Variants in NDST1 observed in about 807,000 individuals in gnomAD.
NDST1 encodes N-deacetylase and N-sulfotransferase 1, also known as bifunctional heparan sulfate N-deacetylase/N-sulfotransferase 1.
NDST1 carries 35 observed loss-of-function variants against 92.8 expected under a neutral mutation model. That is an observed-to-expected ratio of 0.38 (90% CI 0.29 to 0.50). The LOEUF (loss-of-function observed/expected upper bound fraction) is 0.50, where lower values mean the gene tolerates loss of function less well. Ranked by LOEUF, NDST1 falls within the 20% of genes least tolerant of loss-of-function variation. NDST1 has a pLI of 0.94. For missense variants in NDST1, 822 were observed against 1,182.7 expected, an observed-to-expected ratio of 0.69 and a Z score of 4.47; for synonymous variants, 493 against 500.3, an observed-to-expected ratio of 0.99 and a Z score of 0.19.
At chr5:150,500,379 GGCGACATTAACCAT>G (rs1168482405) in intron 1 of NDST1, among the ~76,000 whole-genome samples, 1 of 152,190 alleles carries the variant, frequency 6.6e-6, no homozygotes, top group Non-Finnish European at 1.5e-5. Flanking sequence ...TGTTGTGCTG[GGCGACATTAACCAT>G]GCCCCTTTCT....
chr5:150,498,424 A>T (rs1753088569), intron 1 of NDST1, among the ~76,000 whole-genome samples: 1 of 152,178 alleles, frequency 6.6e-6, no homozygotes. Flanking sequence ...TTGCTGAGTG[A>T]TCTTGTAAGT....
At chr5:150,525,389 G>A (rs1754426073) in intron 2 of NDST1, among the ~76,000 whole-genome samples, 1 of 152,202 alleles carries the variant, frequency 6.6e-6, no homozygotes, top group Non-Finnish European at 1.5e-5. Flanking sequence ...GTCCAGTGTG[G>A]CATCCCAGGC....
Position 150,512,553 on chromosome 5 carries a change from G to A in NDST1, c.-388+4327G>A, listed in dbSNP as rs10476750. 3.4e-3 allele frequency among the ~76,000 whole-genome samples: 524 copies of A among 152,320 alleles called. 2 individuals are homozygous for A. Among genetic ancestry groups the A allele is most frequent in the African/African-American group, 0.012 (500 of 41,570 alleles). Reference sequence around the variant, plus strand: ...TGTTCCGCACTCCCAGAAAGATCTCGAACCTCCTTCCTGGATCCCATTCTC... The same window carrying A: ...TGTTCCGCACTCCCAGAAAGATCTCAAACCTCCTTCCTGGATCCCATTCTC... On this transcript the variant is annotated intron_variant, in intron 1 of 14. Transcript: ENST00000261797.
chr5:150,548,474 G>A (rs1755586704), intron 12 of NDST1, 86 bp downstream of exon 12: 1 of 1,465,334 alleles, frequency 6.8e-7, no homozygotes, highest in East Asian at 2.4e-5. Flanking sequence ...TTTCTCACCA[G>A]CCGTGGGGAC....
Position 150,528,137 on chromosome 5 carries a change from A to C in NDST1, c.847A>C (p.Asn283His), listed in dbSNP as rs569758058. The change falls in exon 3 of 15, where the codon AAC (asparagine) becomes CAC (histidine). Residue 283 changes from asparagine (N) to histidine (H), a missense_variant. By Grantham distance (68) the Asn-to-His change is moderately conservative. Coordinates refer to ENST00000261797, the MANE Select transcript of NDST1 (RefSeq NM_001543.5). ...CGGCATCCAGCGCGTGCTGTTTGGCAACAACCTGAACTTCTGGCTGCACAA... is the reference window on the plus strand; with the variant it reads ...CGGCATCCAGCGCGTGCTGTTTGGCCACAACCTGAACTTCTGGCTGCACAA... ...HDGIQRVLFG[N>H]NLNFWLHKLV... 1 of 1,614,230 alleles carries C rather than the reference A, an allele frequency of 6.2e-7. No individual in the cohort carries two copies. Among genetic ancestry groups the C allele is most frequent in the South Asian group, 1.1e-5 (1 of 91,090 alleles).
intron 2 of NDST1, among the ~76,000 whole-genome samples, chr5:150,526,521 G>A (rs1196146047): frequency 2.0e-5 from 3 of 152,184 alleles, no homozygotes; most frequent in East Asian, 1.9e-4. Context: ...TGAATTGTGT[G>A]TGTTCCTGCT....
chr5:150,500,315 A>C (rs1447911361), intron 1 of NDST1, among the ~76,000 whole-genome samples: 1 of 152,184 alleles, frequency 6.6e-6, no homozygotes, highest in Non-Finnish European at 1.5e-5. Context: ...CCACTCTTTA[A>C]GGACTGTCTT....
At chr5:150,546,217 C>T (rs1244231353) in intron 11 of NDST1, among the ~76,000 whole-genome samples, 9 of 152,230 alleles carry the variant, frequency 5.9e-5, no homozygotes, top group African/African-American at 2.2e-4. Context: ...AGGCTGGTCT[C>T]AAACTCCTGA....
chr5:150,549,619 G>C (rs572582228), intron 12 of NDST1, 59 bp from the exon 13 acceptor site: 5 of 1,008,546 alleles, frequency 5.0e-6, no homozygotes, highest in Non-Finnish European at 7.8e-6. Context: ...TGCCGTGGCT[G>C]TTGCCCTTGT....
In NDST1 at chr5:150,538,412, A is replaced by C. The variant is rs369886125; in HGVS notation, c.1438-816A>C. ...GTAGGGGACAAAAGTGGCAGCAGGG[A>C]GACCAGTTAGGAGGCACTGCAGTCT... On this transcript the variant is annotated intron_variant, in intron 6 of 14. Transcript: ENST00000261797. Among the ~76,000 whole-genome samples the C allele has an allele frequency of 4.6e-5, 7 of 152,294 alleles. No homozygotes were observed. In the East Asian group the frequency reaches 9.6e-4, roughly 21 times the overall value.
chr5:150,555,431 A>G lies in NDST1; in HGVS notation c.*2099A>G. On this transcript the variant is annotated 3_prime_UTR_variant, in exon 15 of 15. Transcript: ENST00000261797. ...TTGGACACTCAGTGGGACCAGCTGCAGGTGGTTTCACTGTGTACACAGCAG... is the reference window on the plus strand; with the variant it reads ...TTGGACACTCAGTGGGACCAGCTGCGGGTGGTTTCACTGTGTACACAGCAG... 6.5e-6 allele frequency: 1 copy of G among 152,892 alleles called. No individual in the cohort carries two copies. Among genetic ancestry groups the G allele is most frequent in the Non-Finnish European group, 1.5e-5 (1 of 68,162 alleles). 9.5% of individuals were successfully genotyped at this position (152,892 alleles called of 1,614,324 possible). A position where few individuals can be genotyped will look rare whatever the true frequency, so the allele number is the denominator to read the frequency against.
In NDST1 at chr5:150,540,199, C is replaced by T. The variant is rs748954035; in HGVS notation, c.1684C>T (p.Pro562Ser). ...GACGAACCTCCGGCTGCAGACACTG[C>T]CCCCTGTGCAGTTGGCGCAGAAGTA... ...SWTNLRLQTL[P>S]PVQLAQKYFQ... Residue 562 changes from proline (P) to serine (S), a missense_variant, in exon 8 of 15, where the codon CCC (proline) becomes TCC (serine). Transcript: ENST00000261797. 2 of 1,613,920 alleles carry T rather than the reference C, an allele frequency of 1.2e-6. No homozygotes were observed. Among genetic ancestry groups the T allele is most frequent in the African/African-American group, 1.3e-5 (1 of 75,056 alleles).
intron 2 of NDST1, among the ~76,000 whole-genome samples, chr5:150,526,337 A>G (rs1188650400): frequency 6.6e-6 from 1 of 152,160 alleles, no homozygotes; most frequent in Admixed American, 6.5e-5. Context: ...GGTTCATGAG[A>G]GCAGGGGCCA....
chr5:150,535,672 C>G (rs1276517224), intron 5 of NDST1, 28 bp from the exon 6 acceptor site: 2 of 1,613,618 alleles, frequency 1.2e-6, no homozygotes, highest in Non-Finnish European at 1.7e-6. Flanking sequence ...CCCCTATGCT[C>G]ACCCTGGCCT....
intron 4 of NDST1, 106 bp from the exon 5 acceptor site, chr5:150,534,761 A>C (rs1754908080): frequency 1.4e-5 from 19 of 1,380,414 alleles, no homozygotes; most frequent in Non-Finnish European, 2.0e-5. Flanking sequence ...TCTTCCAGGC[A>C]GCTCCTGGGT....
intron 1 of NDST1, among the ~76,000 whole-genome samples, chr5:150,516,944 G>T (rs1753995199): frequency 6.6e-6 from 1 of 151,834 alleles, no homozygotes; most frequent in African/African-American, 2.4e-5. Flanking sequence ...GGGATGACAG[G>T]CGTGAGCCAC....
At position 150,518,283 on chromosome 5, in the gene NDST1, C is replaced by T. The variant is rs916276128; in HGVS notation, c.-387-2585C>T. ...CAGAAGAGTTAAGGACCCCTGAGCT[C>T]TCCCAAACCCCCATCCCATCCCCGT... On this transcript the variant is annotated intron_variant, in intron 1 of 14. Coordinates refer to ENST00000261797, the MANE Select transcript of NDST1 (RefSeq NM_001543.5). Among the ~76,000 whole-genome samples, 5 of 152,178 alleles carry T rather than the reference C, an allele frequency of 3.3e-5. No individual in the cohort carries two copies. In the South Asian group the frequency reaches 6.2e-4, roughly 19 times the overall value.
At position 150,521,680 on chromosome 5, in the gene NDST1, C is replaced by G; in HGVS notation, c.426C>G (p.Leu142=). 6.2e-7 allele frequency: 1 copy of G among 1,614,096 alleles called. No individual in the cohort carries two copies. The highest frequency in any genetic ancestry group is 8.5e-7 in the Non-Finnish European group (1 of 1,180,038). The part of the protein sequence containing the change: ...RFALIIYENI[L]KYVNLDAWNR... ...CCCTCATCATCTATGAGAACATCCT[C>G]AAGTATGTCAACCTGGACGCCTGGA... Residue 142 remains leucine, a synonymous_variant, in exon 2 of 15, where the codon CTC becomes CTG. Coordinates refer to ENST00000261797, the MANE Select transcript of NDST1 (RefSeq NM_001543.5). This position sits in a 1 kb window ranked among gnomAD's most constrained non-coding sequence, Gnocchi z 5.9.
chr5:150,502,409 T>C (rs1328178407), intron 1 of NDST1, among the ~76,000 whole-genome samples: 1 of 151,970 alleles, frequency 6.6e-6, no homozygotes, highest in African/African-American at 2.4e-5. Flanking sequence ...GGAAGGACAG[T>C]TGGACAGTAT....
Sources: allele counts gnomAD v4.1 joint callset (sites outside exome capture counted in the v4.1 genomes callset), GRCh38; gene constraint gnomAD v4.1.1; non-coding constraint Gnocchi (gnomAD v3.1); transcripts MANE v1.5; gene names NCBI Gene and HGNC (gene_info 2026-07-23, HGNC 2026-07-21).